The following CLIP2 variants were observed in gnomAD, a reference collection of about 807,000 sequenced individuals.
The protein encoded by CLIP2 is CAP-Gly domain-containing linker protein 2.
A neutral mutation model predicts 111.7 loss-of-function variants in CLIP2; 41 were observed. The observed-to-expected ratio is 0.37, with a 90% confidence interval of 0.29 to 0.48. The LOEUF (loss-of-function observed/expected upper bound fraction) is 0.48. Among genes scored for constraint, CLIP2 ranks in the 20% least tolerant of loss-of-function variants. The probability of loss-of-function intolerance (pLI) is 0.99; values close to 1 mark genes in which losing one functional copy is unlikely to be tolerated. For synonymous variants in CLIP2, 660 were observed against 644.2 expected (o/e 1.02, Z -0.37); for missense variants, 1,160 against 1,422.1 (o/e 0.82, Z 2.96).
At chr7:74,401,959 TA>T (rs563632233) in intron 16 of CLIP2, among the ~76,000 whole-genome samples, 57 of 146,280 alleles carry the variant, frequency 3.9e-4, no homozygotes, top group African/African-American at 4.2e-4. Flanking sequence ...CTCTCTCTAT[TA>T]AAAAAAAAAA....
intron 2 of CLIP2, among the ~76,000 whole-genome samples, chr7:74,321,164 T>C (rs1423616271): frequency 6.6e-6 from 1 of 152,008 alleles, no homozygotes; most frequent in Non-Finnish European, 1.5e-5. Flanking sequence ...GAACATGGAG[T>C]GCCTGCAGGT....
chr7:74,362,184 C>T (rs1342364002), intron 7 of CLIP2, among the ~76,000 whole-genome samples: 1 of 152,128 alleles, frequency 6.6e-6, no homozygotes, highest in African/African-American at 2.4e-5. Flanking sequence ...GGACTCTGGC[C>T]GACTTGGTCC....
At chr7:74,336,072 C>A (rs1214872949) in intron 2 of CLIP2, among the ~76,000 whole-genome samples, 2 of 149,798 alleles carry the variant, frequency 1.3e-5, no homozygotes, top group South Asian at 2.1e-4. Context: ...CTTTTCTATT[C>A]TTTTCTTTTC....
intron 2 of CLIP2, among the ~76,000 whole-genome samples, chr7:74,326,182 G>C (rs889970326): frequency 7.2e-5 from 11 of 152,146 alleles, no homozygotes; most frequent in African/African-American, 2.7e-4. Flanking sequence ...AGAGGTTGTA[G>C]TGAGCCAAGT....
chr7:74,321,531 G>A (rs1263773412), intron 2 of CLIP2, among the ~76,000 whole-genome samples: 6 of 151,696 alleles, frequency 4.0e-5, no homozygotes, highest in African/African-American at 1.2e-4. Context: ...GTGCAGTGGT[G>A]CGATCTCGGC....
At chr7:74,358,904 T>G (rs1333179439) in intron 6 of CLIP2, among the ~76,000 whole-genome samples, 1 of 152,178 alleles carries the variant, frequency 6.6e-6, no homozygotes, top group South Asian at 2.1e-4. Context: ...TTGCTGTCTA[T>G]CACAGGCTTT....
intron 13 of CLIP2, among the ~76,000 whole-genome samples, chr7:74,394,244 TA>T (rs781812691): frequency 2.1e-4 from 28 of 131,490 alleles, no homozygotes; most frequent in African/African-American, 5.5e-4. Flanking sequence ...TTTTTCTTCT[TA>T]TTTTTTTTTT....
chr7:74,389,588 TAAAAAAAAAAA>T (rs149173666), intron 13 of CLIP2, among the ~76,000 whole-genome samples: 61 of 104,630 alleles, frequency 5.8e-4, no homozygotes, highest in Non-Finnish European at 2.8e-4. Context: ...CCCCTATCTC[TAAAAAAAAAAA>T]AAAAAAAAAA....
intron 8 of CLIP2, among the ~76,000 whole-genome samples, chr7:74,365,702 A>G (rs1554310719): frequency 6.6e-6 from 1 of 152,222 alleles, no homozygotes; most frequent in African/African-American, 2.4e-5. Flanking sequence ...GATCATATTC[A>G]TGGCAACCAG....
At chr7:74,350,208 C>T (rs987950965) in intron 3 of CLIP2, among the ~76,000 whole-genome samples, 25 of 151,970 alleles carry the variant, frequency 1.6e-4, no homozygotes, top group African/African-American at 3.6e-4. Flanking sequence ...CCCACCACCA[C>T]GCCCAGCTAA....
chr7:74,347,901 CA>C (rs372357162), intron 3 of CLIP2, among the ~76,000 whole-genome samples: 64 of 152,134 alleles, frequency 4.2e-4, no homozygotes, highest in African/African-American at 1.4e-3. Context: ...GGAAACAGCC[CA>C]GGGGCGGGGG....
chr7:74,392,728 A>G (rs1276148284), intron 13 of CLIP2, among the ~76,000 whole-genome samples: 1 of 151,978 alleles, frequency 6.6e-6, no homozygotes, highest in African/African-American at 2.4e-5. Flanking sequence ...TTCAGGCAGG[A>G]GAATCACTTG....
chr7:74,360,356 G>A (rs1357797836), intron 7 of CLIP2, 78 bp downstream of exon 7: 34 of 1,112,350 alleles, frequency 3.1e-5, no homozygotes, highest in Middle Eastern at 2.2e-4. Flanking sequence ...TGGGAATAGC[G>A]GACCCAGGTT....
intron 16 of CLIP2, among the ~76,000 whole-genome samples, chr7:74,402,286 C>T (rs1554317821): frequency 1.3e-5 from 2 of 149,134 alleles, no homozygotes; most frequent in African/African-American, 2.5e-5. Flanking sequence ...GCCGAGATCG[C>T]GCCACTGGAC....
At position 74,380,736 on chromosome 7, in the gene CLIP2, T is replaced by TGCTGGGCTG. The variant is rs1790918616; in HGVS notation, c.2422-63_2422-55dup. On this transcript the variant is annotated intron_variant, in intron 10 of 16. Transcript: ENST00000223398. ...AGGGTGTGCAAACTGCAGGTGTGCT[T>TGCTGGGCTG]GCTGGGCTGGCTGGGGCTGGGGCCA... 5 of 1,366,874 alleles carry TGCTGGGCTG rather than the reference T, an allele frequency of 3.7e-6. No individual in the cohort carries two copies. The Admixed American group carries it at 7.9e-5, about 22-fold the overall frequency. 84.7% of individuals were successfully genotyped at this position (1,366,874 alleles called of 1,614,324 possible). A position where few individuals can be genotyped will look rare whatever the true frequency, so the allele number is the denominator to read the frequency against.
At chr7:74,311,302 C>T (rs1254484937) in intron 1 of CLIP2, among the ~76,000 whole-genome samples, 1 of 152,178 alleles carries the variant, frequency 6.6e-6, no homozygotes, top group Admixed American at 6.6e-5. Flanking sequence ...TTTTAAGAAA[C>T]TGCCCAACTG....
chr7:74,309,875 T>G (rs1788597603), intron 1 of CLIP2, among the ~76,000 whole-genome samples: 1 of 150,834 alleles, frequency 6.6e-6, no homozygotes, highest in African/African-American at 2.4e-5. Flanking sequence ...CAGTAGTTCT[T>G]TATTGCTAAG....
At chr7:74,377,069 G>A (rs1299494905) in intron 10 of CLIP2, among the ~76,000 whole-genome samples, 4 of 152,148 alleles carry the variant, frequency 2.6e-5, no homozygotes, top group Non-Finnish European at 5.9e-5. Flanking sequence ...GCATCCCCCC[G>A]CACAGAGCAG....
chr7:74,369,041 C>A (rs546462555), intron 8 of CLIP2, among the ~76,000 whole-genome samples: 6 of 152,226 alleles, frequency 3.9e-5, no homozygotes, highest in Non-Finnish European at 8.8e-5. Flanking sequence ...ATAGTGAGAC[C>A]CCATCTCTAC....
Sources: gnomAD v4.1 joint callset for allele counts (sites outside exome capture counted in the v4.1 genomes callset) on GRCh38, gnomAD v4.1.1 for gene constraint, MANE v1.5 for transcripts, NCBI Gene and HGNC (gene_info 2026-07-23, HGNC 2026-07-21) for gene names.